PCDHGA1: variants seen among roughly 807,000 people sequenced by gnomAD.
The protein encoded by PCDHGA1 is protocadherin gamma-A1.
PCDHGA1 carries 32 observed loss-of-function variants against 58.0 expected under a neutral mutation model. That is an observed-to-expected ratio of 0.55 (90% confidence interval 0.42 to 0.74). The LOEUF is 0.74. Ranked by LOEUF, PCDHGA1 falls within the 30% of genes least tolerant of loss-of-function variation. PCDHGA1 has a pLI of 0.00. For missense variants in PCDHGA1, 1,205 were observed against 1,182.3 expected (o/e 1.02, Z -0.28); for synonymous variants, 498 against 501.1 (o/e 0.99, Z 0.08).
At chr5:141,340,392 T>C in intron 1 of PCDHGA1, 1 of 1,614,200 alleles carries the variant, frequency 6.2e-7, no homozygotes, top group South Asian at 1.1e-5. Flanking sequence ...GTCTTCTCAG[T>C]GACGGCCCAT....
intron 1 of PCDHGA1, chr5:141,404,379 C>T (rs548569433): frequency 6.2e-7 from 1 of 1,613,940 alleles, no homozygotes; most frequent in African/African-American, 1.3e-5. Flanking sequence ...TCCGTGATTG[C>T]CTATGACCCT....
intron 1 of PCDHGA1, chr5:141,356,342 T>G (rs1430844725): frequency 6.4e-7 from 1 of 1,555,016 alleles, no homozygotes; most frequent in Non-Finnish European, 8.7e-7. Flanking sequence ...GGAAATGGCC[T>G]AGTCACATGT....
intron 3 of PCDHGA1, among the ~76,000 whole-genome samples, chr5:141,510,657 G>A (rs1388054630): frequency 6.6e-6 from 1 of 152,156 alleles, no homozygotes; most frequent in Non-Finnish European, 1.5e-5. Context: ...CCATTTTGCA[G>A]ATGAGAAAAC....
rs755837851 is a variant in PCDHGA1, at chr5:141,376,241, C to G, written c.2421+43136C>G. On this transcript the variant is annotated intron_variant, in intron 1 of 3. Coordinates refer to ENST00000517417, the MANE Select transcript of PCDHGA1 (RefSeq NM_018912.3). ...GCTGGCGCTCAGACTGCAGCGCTGG[C>G]ACAAGTCACGCCTGCTGCAGGCTTC... 1.9e-6 allele frequency: 3 copies of G among 1,614,236 alleles called. No homozygotes were observed. The South Asian group carries it at 3.3e-5, about 18-fold the overall frequency.
chr5:141,403,956 T>A (rs375951516), intron 1 of PCDHGA1: 6 of 1,613,884 alleles, frequency 3.7e-6, no homozygotes, highest in Non-Finnish European at 5.1e-6. Flanking sequence ...AAAGTGCTCA[T>A]TTCGGTGGAA....
intron 1 of PCDHGA1, chr5:141,366,804 T>TTC: frequency 9.6e-6 from 15 of 1,561,826 alleles, no homozygotes; most frequent in Non-Finnish European, 1.3e-5. Flanking sequence ...TTGTTTCCTT[T>TTC]TTCATGTTTC....
In PCDHGA1 at chr5:141,491,848, C is replaced by A; in HGVS notation, c.2422-2959C>A. 1 of 1,461,478 alleles carries A rather than the reference C, an allele frequency of 6.8e-7. No homozygotes were observed. Among genetic ancestry groups the A allele is most frequent in the Non-Finnish European group, 9.1e-7 (1 of 1,104,578 alleles). The allele number at this position is 1,461,478 out of a possible 1,614,324, so 90.5% of individuals were successfully genotyped here. A position where few individuals can be genotyped will look rare whatever the true frequency, so the allele number is the denominator to read the frequency against. On this transcript the variant is annotated intron_variant, in intron 1 of 3. Transcript: ENST00000517417. This position sits in a 1 kb window ranked among gnomAD's most constrained non-coding sequence, Gnocchi z 6.9. ...CACCCGATTCTCGGGATCATTGGAC[C>A]GTTTGCGCGAAACCAGAGTGGCCGA...
At chr5:141,433,391 CTA>C (rs1477426085) in intron 1 of PCDHGA1, among the ~76,000 whole-genome samples, 3 of 151,570 alleles carry the variant, frequency 2.0e-5, no homozygotes, top group African/African-American at 7.3e-5. Context: ...ATCTATCTAT[CTA>C]TCTATCTATC....
chr5:141,406,434 A>G (rs1203599965), intron 1 of PCDHGA1, among the ~76,000 whole-genome samples: 1 of 152,238 alleles, frequency 6.6e-6, no homozygotes, highest in Non-Finnish European at 1.5e-5. Context: ...TATTGCTTCT[A>G]TTCTTCCATT....
At chr5:141,394,777 C>T (rs2093090848) in intron 1 of PCDHGA1, 5 of 1,613,516 alleles carry the variant, frequency 3.1e-6, no homozygotes, top group African/African-American at 2.7e-5. Flanking sequence ...CCCCCTCTCT[C>T]CGCCACTGTC....
chr5:141,494,115 GC>G (rs1445167222), intron 1 of PCDHGA1, among the ~76,000 whole-genome samples: 1 of 152,186 alleles, frequency 6.6e-6, no homozygotes, highest in African/African-American at 2.4e-5. Context: ...AGACAGAGCA[GC>G]CTTGTTCTCT....
chr5:141,376,525 T>C (rs1772783963), intron 1 of PCDHGA1: 1 of 1,613,730 alleles, frequency 6.2e-7, no homozygotes, highest in Non-Finnish European at 8.5e-7. Context: ...TCTTTCCGCC[T>C]AAGCGGGAAG....
At chr5:141,344,081 G>A in intron 1 of PCDHGA1, 2 of 1,611,306 alleles carry the variant, frequency 1.2e-6, no homozygotes, top group Non-Finnish European at 1.7e-6. Flanking sequence ...TGGCCCTGCT[G>A]TGCGCGCTCC....
At chr5:141,422,289 T>G in intron 1 of PCDHGA1, 1 of 1,553,678 alleles carries the variant, frequency 6.4e-7, no homozygotes, top group African/African-American at 1.4e-5. Context: ...CCTCTTCTAT[T>G]AATTCAATTC....
At chr5:141,497,807 T>G (rs2099779585) in intron 2 of PCDHGA1, among the ~76,000 whole-genome samples, 1 of 152,210 alleles carries the variant, frequency 6.6e-6, no homozygotes, top group African/African-American at 2.4e-5. Context: ...CCCAAAGTGC[T>G]AGAATTACAG....
At position 141,408,137 on chromosome 5, in the gene PCDHGA1, T is replaced by C; in HGVS notation, c.2421+75032T>C. ...CTCCTGTCCTGGGCCGAATGCTCTT[T>C]TAGCGCGGTAGAGTGCACTTTCTCC... On this transcript the variant is annotated intron_variant, in intron 1 of 3. Coordinates refer to ENST00000517417, the MANE Select transcript of PCDHGA1 (RefSeq NM_018912.3). 4.0e-6 allele frequency: 6 copies of C among 1,488,870 alleles called. No individual in the cohort carries two copies. The South Asian group carries it at 8.2e-5, about 20-fold the overall frequency. 92.2% of individuals were successfully genotyped at this position (1,488,870 alleles called of 1,614,324 possible).
At position 141,431,387 on chromosome 5, in the gene PCDHGA1, C is replaced by T; in HGVS notation, c.2422-63420C>T. The T allele has an allele frequency of 1.9e-6, 3 of 1,613,938 alleles. 1 individual carries two copies. The South Asian group carries it at 3.3e-5, about 18-fold the overall frequency. Reference sequence around the variant, plus strand: ...CCGCGAAGAAAAGGCTGCTCACCACCTGGTCCTTACGGCCTCCGACGGGGG... The same window carrying T: ...CCGCGAAGAAAAGGCTGCTCACCACTTGGTCCTTACGGCCTCCGACGGGGG... On this transcript the variant is annotated intron_variant, in intron 1 of 3. Coordinates refer to ENST00000517417, the MANE Select transcript of PCDHGA1 (RefSeq NM_018912.3). This position sits in a 1 kb window ranked among gnomAD's most constrained non-coding sequence, Gnocchi z 4.8.
At chr5:141,502,891 C>G (rs2099816930) in intron 2 of PCDHGA1, among the ~76,000 whole-genome samples, 1 of 117,990 alleles carries the variant, frequency 8.5e-6, no homozygotes, top group African/African-American at 3.4e-5. Context: ...GACAGGGAGT[C>G]TAGCTCTGTT....
rs9324847 is a variant in PCDHGA1, at chr5:141,376,094, A to C, written c.2421+42989A>C. The C allele has an allele frequency of 5.1e-3, 8,284 of 1,613,546 alleles. 340 individuals are homozygous for C. In the African/African-American group the frequency reaches 0.097, roughly 19 times the overall value. On this transcript the variant is annotated intron_variant, in intron 1 of 3. Transcript: ENST00000517417. ...GGCCGTGGCCGACAGGATCCCCGAC[A>C]TCCTGGCCGACCTGGGCAGCCTCGA...
Sources: allele counts gnomAD v4.1 joint callset (sites outside exome capture counted in the v4.1 genomes callset), GRCh38; gene constraint gnomAD v4.1.1; non-coding constraint Gnocchi (gnomAD v3.1); transcripts MANE v1.5; gene names NCBI Gene and HGNC (gene_info 2026-07-23, HGNC 2026-07-21).